The following TMEM163 variants were observed in gnomAD, a reference collection of about 807,000 sequenced individuals.
TMEM163 encodes transmembrane protein 163.
In TMEM163, 17 loss-of-function variants were observed where a neutral mutation model predicts 29.3. The observed-to-expected ratio is 0.58, with a 90% CI of 0.40 to 0.87. The LOEUF is 0.87. Among genes scored for constraint, TMEM163 ranks in the 40% least tolerant of loss-of-function variants. The pLI is 0.00. For missense variants in TMEM163, 303 were observed against 381.5 expected (o/e 0.79, Z 1.71); for synonymous variants, 157 against 160.6 (o/e 0.98, Z 0.17).
chr2:134,679,630 G>A (rs1010326700), intron 2 of TMEM163, among the ~76,000 whole-genome samples: 13 of 152,280 alleles, frequency 8.5e-5, no homozygotes, highest in African/African-American at 2.6e-4. Flanking sequence ...AGGAGCTTTC[G>A]AAGACATTTT....
intron 5 of TMEM163, among the ~76,000 whole-genome samples, chr2:134,485,033 T>C (rs1312962681): frequency 6.6e-6 from 1 of 152,220 alleles, no homozygotes; most frequent in Non-Finnish European, 1.5e-5. Flanking sequence ...TTTCTGGCCG[T>C]ATCAATCAGT....
intron 4 of TMEM163, among the ~76,000 whole-genome samples, chr2:134,510,556 G>C (rs1443869804): frequency 1.3e-5 from 2 of 152,158 alleles, no homozygotes. Context: ...CAGCTGAAAA[G>C]AATCAAGATG....
At chr2:134,537,475 C>T (rs1379875433) in intron 4 of TMEM163, among the ~76,000 whole-genome samples, 2 of 152,114 alleles carry the variant, frequency 1.3e-5, no homozygotes, top group African/African-American at 4.8e-5. Flanking sequence ...GGCACTAATC[C>T]CATCATGGGG....
chr2:134,621,063 A>G (rs982912450), intron 2 of TMEM163, among the ~76,000 whole-genome samples: 3 of 151,984 alleles, frequency 2.0e-5, no homozygotes, highest in Non-Finnish European at 2.9e-5. Flanking sequence ...GTGAAAAAAT[A>G]ATTGCAAATC....
chr2:134,604,736 A>C (rs1218122871), intron 2 of TMEM163, among the ~76,000 whole-genome samples: 2 of 152,236 alleles, frequency 1.3e-5, no homozygotes, highest in East Asian at 3.8e-4. Flanking sequence ...CCAATTTTTC[A>C]AAATTAGCAA....
intron 2 of TMEM163, among the ~76,000 whole-genome samples, chr2:134,710,640 TA>T (rs34375062): frequency 0.022 from 3,165 of 143,450 alleles, 107 homozygotes; most frequent in African/African-American, 0.07. Flanking sequence ...TCCACCTAAC[TA>T]AAAAAAAAAA....
At position 134,456,540 on chromosome 2, in the gene TMEM163, G is replaced by A. The variant is rs1686399655; in HGVS notation, c.*176C>T. 2.9e-6 allele frequency: 2 copies of A among 680,120 alleles called. No individual in the cohort carries two copies. The highest frequency in any genetic ancestry group is 5.2e-6 in the Non-Finnish European group (2 of 388,152). 42.1% of individuals were successfully genotyped at this position (680,120 alleles called of 1,614,324 possible). A position where few individuals can be genotyped will look rare whatever the true frequency, so the allele number is the denominator to read the frequency against. On this transcript the variant is annotated 3_prime_UTR_variant, in exon 8 of 8. Coordinates refer to ENST00000281924, the MANE Select transcript of TMEM163 (RefSeq NM_030923.5). Reference sequence around the variant, plus strand: ...CATTGTCCCAACATGTTTGATGGGGGCGGCAGGTGATGGGGGCAAGGTAGA... The same window carrying A: ...CATTGTCCCAACATGTTTGATGGGGACGGCAGGTGATGGGGGCAAGGTAGA...
At chr2:134,489,350 C>T (rs1004763489) in intron 5 of TMEM163, among the ~76,000 whole-genome samples, 3 of 151,762 alleles carry the variant, frequency 2.0e-5, no homozygotes, top group African/African-American at 7.3e-5. Context: ...GAGGCTGAGG[C>T]GGGTGGATCA....
chr2:134,483,881 C>T (rs537547974), intron 5 of TMEM163, among the ~76,000 whole-genome samples: 7 of 152,334 alleles, frequency 4.6e-5, no homozygotes, highest in East Asian at 3.9e-4. Flanking sequence ...CAGTGGCTCA[C>T]GCCTCCAATC....
Position 134,460,083 on chromosome 2 carries a change from CCA to C in TMEM163, c.668-1912_668-1911del, listed in dbSNP as rs1491195882. On this transcript the variant is annotated intron_variant, in intron 6 of 7. Coordinates refer to ENST00000281924, the MANE Select transcript of TMEM163 (RefSeq NM_030923.5). This position sits in a 1 kb window ranked among gnomAD's most constrained non-coding sequence, Gnocchi z 4.3. ...GCCCCTTGCCAGATGTTACCCCCCC[CCA>C]AATTCATTCTCACTCTCCCCGCTGA... 0.034 allele frequency among the ~76,000 whole-genome samples: 5,013 copies of C among 147,972 alleles called. 130 individuals are homozygous for C. Among genetic ancestry groups the C allele is most frequent in the South Asian group, 0.11 (499 of 4,526 alleles).
intron 2 of TMEM163, among the ~76,000 whole-genome samples, chr2:134,554,229 C>G (rs1022466106): frequency 6.6e-6 from 1 of 151,854 alleles, no homozygotes; most frequent in South Asian, 2.1e-4. Flanking sequence ...TCGAGACCAT[C>G]CTGGCCAACA....
At chr2:134,616,318 C>A (rs1427195107) in intron 2 of TMEM163, among the ~76,000 whole-genome samples, 2 of 152,212 alleles carry the variant, frequency 1.3e-5, no homozygotes, top group Non-Finnish European at 2.9e-5. Flanking sequence ...GGCAATTCTC[C>A]TGGCTCATTC....
chr2:134,659,410 C>G (rs969266476), intron 2 of TMEM163, among the ~76,000 whole-genome samples: 3 of 152,158 alleles, frequency 2.0e-5, no homozygotes, highest in African/African-American at 7.2e-5. Flanking sequence ...TAGCACAGAC[C>G]GTAGAGGGGC....
chr2:134,574,717 C>T (rs187389882), intron 2 of TMEM163, among the ~76,000 whole-genome samples: 6 of 152,268 alleles, frequency 3.9e-5, no homozygotes, highest in South Asian at 2.1e-4. Context: ...CCAAATGGGA[C>T]GGTTAGCTCA....
At chr2:134,523,093 G>A (rs1011741004) in intron 4 of TMEM163, among the ~76,000 whole-genome samples, 2 of 152,086 alleles carry the variant, frequency 1.3e-5, no homozygotes, top group Non-Finnish European at 2.9e-5. Context: ...AGAGAATTAC[G>A]GTCTTACAGA....
intron 7 of TMEM163, 147 bp from the exon 8 acceptor site, chr2:134,456,923 C>A: frequency 1.3e-6 from 1 of 796,166 alleles, no homozygotes; most frequent in South Asian, 1.6e-5. Flanking sequence ...TATATTCATC[C>A]ATTTGTGTTA....
At chr2:134,596,648 A>G (rs868552035) in intron 2 of TMEM163, among the ~76,000 whole-genome samples, 29 of 152,344 alleles carry the variant, frequency 1.9e-4, no homozygotes, top group Middle Eastern at 6.8e-3. Flanking sequence ...AATTCTGTGA[A>G]GAAAGTCATT....
At chr2:134,519,550 A>G (rs955464971) in intron 4 of TMEM163, among the ~76,000 whole-genome samples, 5 of 152,018 alleles carry the variant, frequency 3.3e-5, no homozygotes, top group African/African-American at 1.2e-4. Flanking sequence ...TCTCTACCAA[A>G]AATACAAAAA....
chr2:134,598,641 T>TG (rs1682147715), intron 2 of TMEM163, among the ~76,000 whole-genome samples: 1 of 152,026 alleles, frequency 6.6e-6, no homozygotes, highest in African/African-American at 2.4e-5. Flanking sequence ...AGGCTGGGCG[T>TG]GGTGGCTCAT....
Sources: allele counts gnomAD v4.1 joint callset (sites outside exome capture counted in the v4.1 genomes callset), GRCh38; gene constraint gnomAD v4.1.1; non-coding constraint Gnocchi (gnomAD v3.1); transcripts MANE v1.5; gene names NCBI Gene and HGNC (gene_info 2026-07-23, HGNC 2026-07-21).